Variants in MAX observed in about 807,000 individuals in gnomAD.
MAX encodes protein max.
In MAX, 3 loss-of-function variants were observed where a neutral mutation model predicts 22.3. That is an observed-to-expected ratio of 0.13 (90% CI 0.06 to 0.35). The LOEUF is 0.35. Among genes scored for constraint, MAX ranks in the 10% least tolerant of loss-of-function variants. MAX has a pLI of 1.00. For synonymous variants in MAX, 72 were observed against 77.7 expected (o/e 0.93, Z 0.39); for missense variants, 119 against 209.4 (o/e 0.57, Z 2.66).
chr14:65,075,777 G>GAA lies in MAX; in HGVS notation c.*698_*699insTT, dbSNP rs1471007976. The GAA allele has an allele frequency of 1.9e-6, 2 of 1,066,270 alleles. No homozygotes were observed. The highest frequency in any genetic ancestry group is 3.3e-5 in the African/African-American group (2 of 61,046). 66.1% of individuals were successfully genotyped at this position (1,066,270 alleles called of 1,614,324 possible). On this transcript the variant is annotated 3_prime_UTR_variant, in exon 5 of 5. Transcript: ENST00000358664. The surrounding 1 kb of genome is among the most constrained non-coding windows in gnomAD (Gnocchi z 4.1). ...TGCTGCCATCTCCCATACATACCACGAGAGTGTCACACGGCCCTCCGTGAG... is the reference window on the plus strand; with the variant it reads ...TGCTGCCATCTCCCATACATACCACGAAAGAGTGTCACACGGCCCTCCGTGAG...
At chr14:65,022,882 C>T (rs970783750) in intron 3 of MAX, among the ~76,000 whole-genome samples, 1 of 152,116 alleles carries the variant, frequency 6.6e-6, no homozygotes, top group Admixed American at 6.6e-5. Flanking sequence ...ATTCATGTGC[C>T]TTACCCATCC....
chr14:65,026,929 C>T (rs1255398221), intron 3 of MAX, among the ~76,000 whole-genome samples: 1 of 151,942 alleles, frequency 6.6e-6, no homozygotes, highest in African/African-American at 2.4e-5. Flanking sequence ...CCCACAGAGG[C>T]TTAGGTGGCA....
chr14:65,054,569 T>C lies in MAX; in HGVS notation c.171+39139A>G. 1 of 1,611,846 alleles carries C rather than the reference T, an allele frequency of 6.2e-7. No homozygotes were observed. The highest frequency in any genetic ancestry group is 8.5e-7 in the Non-Finnish European group (1 of 1,179,076). Reference sequence around the variant, plus strand: ...AGCGCCTGCTCAGAGCTGCCTGTCCTTACAGGTCGCGTGATTTCTACCACA... The same window carrying C: ...AGCGCCTGCTCAGAGCTGCCTGTCCCTACAGGTCGCGTGATTTCTACCACA... On this transcript the variant is annotated intron_variant, in intron 3 of 3. Transcript: ENST00000341653. The surrounding 1 kb of genome is among the most constrained non-coding windows in gnomAD (Gnocchi z 4.4).
At chr14:65,050,558 T>G (rs917364869) in intron 3 of MAX, among the ~76,000 whole-genome samples, 6 of 152,166 alleles carry the variant, frequency 3.9e-5, no homozygotes, top group African/African-American at 1.4e-4. Flanking sequence ...ACCACTGCAC[T>G]CCAGCCTGGG....
At chr14:65,065,047 A>G (rs2139710436) in intron 3 of MAX, among the ~76,000 whole-genome samples, 1 of 152,350 alleles carries the variant, frequency 6.6e-6, no homozygotes, top group Middle Eastern at 3.4e-3. Flanking sequence ...GTCAGTCAGC[A>G]TGATTTGTCC....
downstream of MAX, chr14:65,075,071 G>C: frequency 9.9e-7 from 1 of 1,011,390 alleles, no homozygotes; most frequent in Non-Finnish European, 1.2e-6. This position sits in a 1 kb window ranked among gnomAD's most constrained non-coding sequence, Gnocchi z 4.1. Flanking sequence ...GCTTCCAGAG[G>C]GGTCTCTCAT....
chr14:65,048,957 T>C (rs1002147705), intron 3 of MAX, among the ~76,000 whole-genome samples: 4 of 152,120 alleles, frequency 2.6e-5, no homozygotes, highest in African/African-American at 4.8e-5. Context: ...AAACCCCATC[T>C]CTACTAAAGA....
In MAX at chr14:65,076,758, C is replaced by G. The variant is rs2063069429; in HGVS notation, c.296-95G>C. 2 of 1,494,866 alleles carry G rather than the reference C, an allele frequency of 1.3e-6. No individual in the cohort carries two copies. Among genetic ancestry groups the G allele is most frequent in the Non-Finnish European group, 1.9e-6 (2 of 1,073,372 alleles). The allele number at this position is 1,494,866 out of a possible 1,614,324, so 92.6% of individuals were successfully genotyped here. A position where few individuals can be genotyped will look rare whatever the true frequency, so the allele number is the denominator to read the frequency against. ...GGGTCCAGCCTGTTCTTCCTAAGGG[C>G]TTGCTTGTTGGCCCCCGAGGCTCAA... is the stretch of plus-strand genomic sequence containing the variant. On this transcript the variant is annotated intron_variant, in intron 4 of 4. Transcript: ENST00000358664. This position sits in a 1 kb window ranked among gnomAD's most constrained non-coding sequence, Gnocchi z 6.6.
Position 65,012,466 on chromosome 14 carries a change from G to T in MAX, c.172-6182C>A. On this transcript the variant is annotated intron_variant, in intron 3 of 3. Transcript: ENST00000341653. This position sits in a 1 kb window ranked among gnomAD's most constrained non-coding sequence, Gnocchi z 5.0. ...CTCCTTTTTCTATTTAAACGTAAAA[G>T]ACTGTTGGGGCTGACCTGTTGCAGA... 5 of 1,578,132 alleles carry T rather than the reference G, an allele frequency of 3.2e-6. No individual in the cohort carries two copies. Among genetic ancestry groups the T allele is most frequent in the Non-Finnish European group, 4.3e-6 (5 of 1,154,608 alleles).
At chr14:65,083,945 T>C in intron 3 of MAX, 1 of 1,360,808 alleles carries the variant, frequency 7.3e-7, no homozygotes, top group East Asian at 2.9e-5. Flanking sequence ...GGATCCACAT[T>C]AAACTAGTTC....
chr14:65,094,113 G>A (rs2063591324), intron 2 of MAX: 1 of 398,624 alleles, frequency 2.5e-6, no homozygotes. Context: ...TAACATCAGT[G>A]GTCCCCCCCA....
At chr14:65,019,290 C>T (rs908444531) in intron 3 of MAX, among the ~76,000 whole-genome samples, 1 of 152,146 alleles carries the variant, frequency 6.6e-6, no homozygotes, top group Non-Finnish European at 1.5e-5. Context: ...AGTTCGAGAC[C>T]AGTCTGGCCA....
chr14:65,077,626 C>T lies in MAX; in HGVS notation c.295+287G>A. 1 of 1,179,946 alleles carries T rather than the reference C, an allele frequency of 8.5e-7. No homozygotes were observed. 73.1% of individuals were successfully genotyped at this position (1,179,946 alleles called of 1,614,324 possible). A position where few individuals can be genotyped will look rare whatever the true frequency, so the allele number is the denominator to read the frequency against. On this transcript the variant is annotated intron_variant, in intron 4 of 4. Transcript: ENST00000358664. This position sits in a 1 kb window ranked among gnomAD's most constrained non-coding sequence, Gnocchi z 6.3. ...AGACACCTGATGCCAGGTGTGATCC[C>T]TACTGCAGGCAGAGCACCTGAGCCC...
In MAX at chr14:65,083,375, G is replaced by A. The variant is rs981177167; in HGVS notation, c.172-5339C>T. Among the ~76,000 whole-genome samples, 8 of 152,324 alleles carry A rather than the reference G, an allele frequency of 5.3e-5. No individual in the cohort carries two copies. The East Asian group carries it at 1.5e-3, about 29-fold the overall frequency. On this transcript the variant is annotated intron_variant, in intron 3 of 4. Coordinates refer to ENST00000358664, the MANE Select transcript of MAX (RefSeq NM_002382.5). ...ACTGATGCTTCAGACGAAGTCCAAG[G>A]TTATTAAATCTCATTTAAAGCAATG... is the stretch of plus-strand genomic sequence containing the variant.
At chr14:65,022,594 T>C (rs1321887405) in intron 3 of MAX, among the ~76,000 whole-genome samples, 1 of 152,162 alleles carries the variant, frequency 6.6e-6, no homozygotes, top group African/African-American at 2.4e-5. Flanking sequence ...CTCAAACTCT[T>C]GGCCTTAAGT....
Position 65,040,552 on chromosome 14 carries a change from TG to T in MAX, c.172-34269del, listed in dbSNP as rs148848615. On this transcript the variant is annotated intron_variant, in intron 3 of 3. Coordinates refer to the MAX transcript ENST00000341653. Reference sequence around the variant, plus strand: ...AACTCCTCGCCTCAAGTGATCTTCTTGCCTTAGTCTCCTGAGCAGCTGGGAT... The same window carrying T: ...AACTCCTCGCCTCAAGTGATCTTCTTCCTTAGTCTCCTGAGCAGCTGGGAT... 2.8e-3 allele frequency among the ~76,000 whole-genome samples: 425 copies of T among 151,280 alleles called. 2 individuals carry two copies. The highest frequency in any genetic ancestry group is 9.8e-3 in the African/African-American group (404 of 41,170).
intron 3 of MAX, among the ~76,000 whole-genome samples, chr14:65,008,516 T>A (rs2139496958): frequency 6.6e-6 from 1 of 152,346 alleles, no homozygotes; most frequent in East Asian, 1.9e-4. Flanking sequence ...ACCGATGGGA[T>A]AATTTGAGAG....
downstream of MAX, chr14:65,006,143 G>A: frequency 6.3e-7 from 1 of 1,577,288 alleles, no homozygotes; most frequent in South Asian, 1.1e-5. Context: ...AGCTTTGTTT[G>A]TTACCTTTGT....
At chr14:65,010,615 A>G (rs1020326413) in intron 3 of MAX, among the ~76,000 whole-genome samples, 18 of 152,190 alleles carry the variant, frequency 1.2e-4, no homozygotes, top group Non-Finnish European at 2.5e-4. Flanking sequence ...GTAAACACAT[A>G]CTGACTACCT....
Sources: allele counts gnomAD v4.1 joint callset (sites outside exome capture counted in the v4.1 genomes callset), GRCh38; gene constraint gnomAD v4.1.1; non-coding constraint Gnocchi (gnomAD v3.1); transcripts MANE v1.5; gene names NCBI Gene and HGNC (gene_info 2026-07-23, HGNC 2026-07-21).